Variants in TDRD9 observed in about 807,000 individuals in gnomAD.
TDRD9 encodes the protein ATP-dependent RNA helicase TDRD9.
In TDRD9, 124 loss-of-function variants were observed where a neutral mutation model predicts 172.6. The ratio of observed to expected loss-of-function variants is 0.72; its 90% confidence interval spans 0.62 to 0.83. The LOEUF (loss-of-function observed/expected upper bound fraction) is 0.83. Ranked by LOEUF, TDRD9 falls within the 40% of genes least tolerant of loss-of-function variation. The pLI, the probability that TDRD9 is intolerant of heterozygous loss-of-function variation, is 0.00. For synonymous variants in TDRD9, 619 were observed against 617.1 expected (o/e 1.00, Z -0.05); for missense variants, 1,479 against 1,714.1 (o/e 0.86, Z 2.42).
rs887189173 is a variant in TDRD9, at chr14:103,984,880, G to A, written c.1012-1337G>A. Among the ~76,000 whole-genome samples, 12 of 152,212 alleles carry A rather than the reference G, an allele frequency of 7.9e-5. 1 individual carries two copies. Among genetic ancestry groups the A allele is most frequent in the Non-Finnish European group, 1.6e-4 (11 of 68,044 alleles). On this transcript the variant is annotated intron_variant, in intron 7 of 35. Coordinates refer to ENST00000409874, the MANE Select transcript of TDRD9 (RefSeq NM_153046.3). ...TACTCTGCAAAGCCACAGGGGTGGA[G>A]CTTCCCAAGACCATGGGAACCCAGC...
Position 103,999,643 on chromosome 14 carries a change from A to ACATTTAATCTTTTAATCT in TDRD9, c.1483+915_1483+916insCATTTAATCTTTTAATCT, listed in dbSNP as rs1566771643. Among the ~76,000 whole-genome samples the ACATTTAATCTTTTAATCT allele has an allele frequency of 1.5e-5, 2 of 130,470 alleles. 1 individual carries two copies. The highest frequency in any genetic ancestry group is 3.3e-5 in the Non-Finnish European group (2 of 59,784). 85.6% of individuals were successfully genotyped at this position (130,470 alleles called of 152,430 possible). A position where few individuals can be genotyped will look rare whatever the true frequency, so the allele number is the denominator to read the frequency against. On this transcript the variant is annotated intron_variant, in intron 13 of 35. Transcript: ENST00000409874. ...GCTTTTTTTTTTGTTTGTTTTTTAG[A>ACATTTAATCTTTTAATCT]AAACCTTTTGGGAAGGGTAGATAAA...
chr14:104,027,022 TAGG>T, intron 28 of TDRD9, 83 bp downstream of exon 28: 1 of 1,449,898 alleles, frequency 6.9e-7, no homozygotes, highest in Non-Finnish European at 9.4e-7. Context: ...GACCCTGAGA[TAGG>T]AGGAGGCGGA....
Position 104,014,805 on chromosome 14 carries a change from C to T in TDRD9, c.2187C>T (p.Asp729=). The T allele has an allele frequency of 6.2e-7, 1 of 1,611,064 alleles. No individual in the cohort carries two copies. Among genetic ancestry groups the T allele is most frequent in the African/African-American group, 1.3e-5 (1 of 74,968 alleles). Residue 729 remains aspartate (D), a synonymous_variant, in exon 21 of 36, where the codon GAC becomes GAT. Coordinates refer to ENST00000409874, the MANE Select transcript of TDRD9 (RefSeq NM_153046.3). ...TTGATTCTCGGCGACCTGTCATGGA[C>T]CAAGAGTATATATATAAGCAGCGAT... is the stretch of plus-strand genomic sequence containing the variant. The part of the protein sequence containing the change: ...MHVDSRRPVM[D]QEYIYKQRFI...
At chr14:103,944,278 G>T (rs1356123716) in intron 1 of TDRD9, among the ~76,000 whole-genome samples, 1 of 151,894 alleles carries the variant, frequency 6.6e-6, no homozygotes, top group East Asian at 1.9e-4. Flanking sequence ...GCCAGGCCAC[G>T]TTGCCCCCTG....
chr14:104,041,572 C>A (rs1324126839), intron 33 of TDRD9, among the ~76,000 whole-genome samples: 1 of 152,132 alleles, frequency 6.6e-6, no homozygotes, highest in African/African-American at 2.4e-5. Context: ...TGACAGTAAA[C>A]CCATGAAAAG....
rs1219018542 is a variant in TDRD9, at chr14:103,980,700, G to A, written c.1011+5147G>A. Among the ~76,000 whole-genome samples, 1 of 152,040 alleles carries A rather than the reference G, an allele frequency of 6.6e-6. No individual in the cohort carries two copies. Among genetic ancestry groups the A allele is most frequent in the Non-Finnish European group, 1.5e-5 (1 of 67,996 alleles). On this transcript the variant is annotated intron_variant, in intron 7 of 35. Transcript: ENST00000409874. The surrounding 1 kb of genome is among the most constrained non-coding windows in gnomAD (Gnocchi z 4.5). ...CAGGGAAAGGGAGACTCCCTTTCCC[G>A]GTCTGCTGAGTAGCGGGTGTTTTTC... is the stretch of plus-strand genomic sequence containing the variant.
chr14:103,976,411 C>G (rs1355831420), intron 7 of TDRD9, among the ~76,000 whole-genome samples: 1 of 151,678 alleles, frequency 6.6e-6, no homozygotes, highest in Non-Finnish European at 1.5e-5. Flanking sequence ...ATAGCTAGGA[C>G]TACAGGCGTC....
chr14:103,959,668 GTGTTATT>G (rs1566740755), intron 2 of TDRD9, among the ~76,000 whole-genome samples: 2 of 152,086 alleles, frequency 1.3e-5, no homozygotes, highest in Admixed American at 6.6e-5. Context: ...CCTGATACAG[GTGTTATT>G]TCACTTATAA....
At position 103,928,667 on chromosome 14, in the gene TDRD9, C is replaced by CGGCCCAGGCTCCGGCTCT. The variant is rs1334718097; in HGVS notation, c.165_182dup (p.Leu59_Ala64dup). On this transcript the variant is annotated inframe_insertion, in exon 1 of 36. Transcript: ENST00000409874. ...GACGTGGCCCCCGGCGCTGGTCCCG[C>CGGCCCAGGCTCCGGCTCT]GGCCCAGGCTCCGGCTCTGGCCCAA... The CGGCCCAGGCTCCGGCTCT allele has an allele frequency of 4.0e-6, 5 of 1,237,496 alleles. No individual in the cohort carries two copies. The highest frequency in any genetic ancestry group is 4.1e-6 in the Non-Finnish European group (4 of 979,532). 76.7% of individuals were successfully genotyped at this position (1,237,496 alleles called of 1,614,324 possible). A position where few individuals can be genotyped will look rare whatever the true frequency, so the allele number is the denominator to read the frequency against.
At chr14:103,989,377 T>C (rs2033788177) in intron 8 of TDRD9, among the ~76,000 whole-genome samples, 1 of 152,256 alleles carries the variant, frequency 6.6e-6, no homozygotes, top group Non-Finnish European at 1.5e-5. Context: ...CATCTTTCTT[T>C]TAAGCCACCT....
rs1226297893 is a variant in TDRD9, at chr14:103,997,663, C to G, written c.1379-961C>G. 1.3e-5 allele frequency among the ~76,000 whole-genome samples: 2 copies of G among 152,172 alleles called. No individual in the cohort carries two copies. Among genetic ancestry groups the G allele is most frequent in the Non-Finnish European group, 2.9e-5 (2 of 68,022 alleles). On this transcript the variant is annotated intron_variant, in intron 12 of 35. Transcript: ENST00000409874. This position sits in a 1 kb window ranked among gnomAD's most constrained non-coding sequence, Gnocchi z 5.1. Reference sequence around the variant, plus strand: ...GGGAGTGCACAGAGGGAGGGTGGCCCCGGTGTGTAAAGGTGGGCAGTAAGA... The same window carrying G: ...GGGAGTGCACAGAGGGAGGGTGGCCGCGGTGTGTAAAGGTGGGCAGTAAGA...
chr14:104,040,343 A>G lies in TDRD9; in HGVS notation c.3855+9A>G, dbSNP rs1421961924. The G allele has an allele frequency of 8.4e-6, 13 of 1,542,034 alleles. No individual in the cohort carries two copies. Among genetic ancestry groups the G allele is most frequent in the Non-Finnish European group, 1.1e-5 (13 of 1,140,888 alleles). On this transcript the variant is annotated intron_variant, in intron 33 of 35. Coordinates refer to ENST00000409874, the MANE Select transcript of TDRD9 (RefSeq NM_153046.3). ...TGGAGGATGTCGTCGAGGTAAGGGT[A>G]GTGCAGCATCACGGCACCACAACCC... is the stretch of plus-strand genomic sequence containing the variant.
intron 20 of TDRD9, among the ~76,000 whole-genome samples, chr14:104,008,765 G>C (rs928741146): frequency 6.6e-6 from 1 of 152,182 alleles, no homozygotes; most frequent in African/African-American, 2.4e-5. Flanking sequence ...TCAGGATAAA[G>C]AGATTGGGTG....
intron 32 of TDRD9, among the ~76,000 whole-genome samples, chr14:104,038,385 C>T (rs2035514236): frequency 6.6e-6 from 1 of 152,140 alleles, no homozygotes; most frequent in South Asian, 2.1e-4. Context: ...AACAAGCTAC[C>T]CCAAAACTTC....
intron 32 of TDRD9, among the ~76,000 whole-genome samples, chr14:104,037,884 C>G (rs2035497892): frequency 1.3e-5 from 2 of 152,208 alleles, no homozygotes; most frequent in African/African-American, 4.8e-5. Flanking sequence ...TTTCCCTGAA[C>G]AGTTGGAGTA....
chr14:104,037,707 C>G (rs2035493227), intron 32 of TDRD9, among the ~76,000 whole-genome samples: 1 of 152,178 alleles, frequency 6.6e-6, no homozygotes, highest in Non-Finnish European at 1.5e-5. Context: ...GTCTCCTCTC[C>G]TTTGTTCTTT....
intron 27 of TDRD9, 130 bp from the exon 28 acceptor site, chr14:104,026,549 T>G: frequency 9.5e-7 from 1 of 1,048,672 alleles, no homozygotes; most frequent in Non-Finnish European, 1.4e-6. Context: ...TACCCCAACA[T>G]TAGTTTTATT....
intron 23 of TDRD9, among the ~76,000 whole-genome samples, chr14:104,019,089 T>G (rs1386067668): frequency 6.6e-6 from 1 of 152,238 alleles, no homozygotes; most frequent in Non-Finnish European, 1.5e-5. Context: ...TCTTAAATAT[T>G]CTGATGTAAA....
At chr14:103,991,107 C>G in intron 8 of TDRD9, 53 bp from the exon 9 acceptor site, 20 of 1,600,104 alleles carry the variant, frequency 1.2e-5, no homozygotes, top group Non-Finnish European at 1.5e-5. Context: ...TTTAGAGAAG[C>G]AATAGCTGTT....
Sources: gnomAD v4.1 joint callset for allele counts (sites outside exome capture counted in the v4.1 genomes callset) on GRCh38, gnomAD v4.1.1 for gene constraint, Gnocchi (gnomAD v3.1) non-coding constraint, MANE v1.5 for transcripts, NCBI Gene and HGNC (gene_info 2026-07-23, HGNC 2026-07-21) for gene names.